Variants in ANTXR1 observed in about 807,000 individuals in gnomAD.
ANTXR1 encodes anthrax toxin receptor 1.
A neutral mutation model predicts 78.1 loss-of-function variants in ANTXR1; 19 were observed. The ratio of observed to expected loss-of-function variants is 0.24; its 90% CI spans 0.17 to 0.36. ANTXR1 has a LOEUF of 0.36. Among genes scored for constraint, ANTXR1 ranks in the 10% least tolerant of loss-of-function variants. The pLI is 1.00. For synonymous variants in ANTXR1, 273 were observed against 260.5 expected (o/e 1.05, Z -0.46); for missense variants, 518 against 718.6 (o/e 0.72, Z 3.19).
At chr2:69,168,490 C>A (rs1665040330) in intron 13 of ANTXR1, among the ~76,000 whole-genome samples, 1 of 152,200 alleles carries the variant, frequency 6.6e-6, no homozygotes, top group African/African-American at 2.4e-5. Context: ...CAAAAGCCCT[C>A]TGCTCAGCAC....
intron 1 of ANTXR1, among the ~76,000 whole-genome samples, chr2:69,029,099 C>T (rs900029858): frequency 8.6e-5 from 13 of 150,432 alleles, no homozygotes; most frequent in Admixed American, 1.3e-4. Context: ...CGTGGTGGCG[C>T]GTGCCTGCTG....
chr2:69,210,867 T>C (rs1573979609), intron 17 of ANTXR1, among the ~76,000 whole-genome samples: 1 of 134,906 alleles, frequency 7.4e-6, no homozygotes, highest in Admixed American at 8.7e-5. Flanking sequence ...ACATGGGAGG[T>C]GGAGGTTGCA....
At chr2:69,053,213 G>A (rs1487449259) in intron 3 of ANTXR1, among the ~76,000 whole-genome samples, 2 of 152,120 alleles carry the variant, frequency 1.3e-5, no homozygotes, top group Admixed American at 6.6e-5. Flanking sequence ...TGGGATTTGG[G>A]AAAAGTTCTG....
chr2:69,077,194 G>T (rs1670759227), intron 7 of ANTXR1: 1 of 599,112 alleles, frequency 1.7e-6, no homozygotes. Context: ...AAATGTAAAA[G>T]CTGGAGCCAA....
At chr2:69,230,244 A>G (rs1252257603) in intron 17 of ANTXR1, among the ~76,000 whole-genome samples, 1 of 152,034 alleles carries the variant, frequency 6.6e-6, no homozygotes, top group Non-Finnish European at 1.5e-5. Flanking sequence ...ATATAGTGCT[A>G]TGAGATTTAA....
intron 3 of ANTXR1, among the ~76,000 whole-genome samples, chr2:69,065,928 T>A (rs1187675690): frequency 6.6e-6 from 1 of 152,270 alleles, no homozygotes; most frequent in Non-Finnish European, 1.5e-5. Context: ...AGGTGTTTAC[T>A]GTGTAAGTTG....
chr2:69,027,404 C>T (rs974795829), intron 1 of ANTXR1, among the ~76,000 whole-genome samples: 1 of 152,138 alleles, frequency 6.6e-6, no homozygotes, highest in Non-Finnish European at 1.5e-5. Context: ...CAAAGCATCC[C>T]CTACATATGG....
chr2:69,136,774 A>G (rs1672919302), intron 12 of ANTXR1, among the ~76,000 whole-genome samples: 1 of 152,240 alleles, frequency 6.6e-6, no homozygotes, highest in South Asian at 2.1e-4. Flanking sequence ...CAAGACCAAG[A>G]AAGAACAGAA....
chr2:69,091,506 T>G (rs1007702627), intron 9 of ANTXR1, among the ~76,000 whole-genome samples: 6 of 150,560 alleles, frequency 4.0e-5, no homozygotes, highest in Non-Finnish European at 8.9e-5. Flanking sequence ...TAGAAGGGAA[T>G]TGTAGAAATA....
At chr2:69,182,902 TAA>T (rs1190489725) in intron 16 of ANTXR1, 1 of 551,704 alleles carries the variant, frequency 1.8e-6, no homozygotes, top group Non-Finnish European at 3.2e-6. Flanking sequence ...GCACATATAG[TAA>T]AACTGGAACA....
intron 8 of ANTXR1, among the ~76,000 whole-genome samples, chr2:69,084,085 C>T (rs1179249414): frequency 1.3e-5 from 2 of 152,222 alleles, no homozygotes; most frequent in Admixed American, 1.3e-4. Flanking sequence ...TCCTATTCTT[C>T]CTGCAGCCCC....
rs529445464 is a variant in ANTXR1 at position 69,236,852 on chromosome 2, C to A, written c.1435-8373C>A. ...ATGGTCACAGTAAACTACTTTAAAA[C>A]TTTCATACAGGATGATCCCATTTTT... On this transcript the variant is annotated intron_variant, in intron 17 of 17. Transcript: ENST00000303714. Among the ~76,000 whole-genome samples, 26 of 152,298 alleles carry A rather than the reference C, an allele frequency of 1.7e-4. No individual in the cohort carries two copies. The South Asian group carries it at 5.2e-3, about 30-fold the overall frequency.
At chr2:69,072,132 G>C (rs10199600) in intron 5 of ANTXR1, among the ~76,000 whole-genome samples, 140,965 of 152,298 alleles carry the variant, frequency 0.93, 65,364 homozygotes, top group African/African-American at 0.98. Context: ...ATTTAATTTT[G>C]TTGTTCTTCT....
At chr2:69,211,605 G>C (rs990227200) in intron 17 of ANTXR1, among the ~76,000 whole-genome samples, 1 of 152,216 alleles carries the variant, frequency 6.6e-6, no homozygotes, top group Non-Finnish European at 1.5e-5. Context: ...CTTTTTCTCT[G>C]CAGGACTTCA....
intron 8 of ANTXR1, among the ~76,000 whole-genome samples, chr2:69,081,620 T>C (rs1670904294): frequency 6.6e-6 from 1 of 152,254 alleles, no homozygotes; most frequent in African/African-American, 2.4e-5. Flanking sequence ...ATAACAATGC[T>C]GCAAAATAAA....
intron 9 of ANTXR1, among the ~76,000 whole-genome samples, chr2:69,101,763 G>C (rs1227369137): frequency 6.6e-6 from 1 of 152,066 alleles, no homozygotes; most frequent in Non-Finnish European, 1.5e-5. Flanking sequence ...TTTTTCCTCT[G>C]ACCTTCAGTC....
chr2:69,099,692 G>A (rs549063552), intron 9 of ANTXR1, among the ~76,000 whole-genome samples: 3 of 152,340 alleles, frequency 2.0e-5, no homozygotes, highest in South Asian at 4.1e-4. Context: ...GACTAATGAT[G>A]TTGAACATCT....
intron 3 of ANTXR1, among the ~76,000 whole-genome samples, chr2:69,045,703 C>T (rs1669745164): frequency 2.0e-5 from 3 of 152,148 alleles, no homozygotes; most frequent in Admixed American, 2.0e-4. Context: ...CAAACTTGAG[C>T]TAGTCCCTAT....
Position 69,013,295 on chromosome 2 carries a change from C to CCCG in ANTXR1, c.-204_-202dup, listed in dbSNP as rs1670918783. 2.8e-6 allele frequency: 2 copies of CCCG among 721,484 alleles called. No individual in the cohort carries two copies. The highest frequency in any genetic ancestry group is 5.0e-5 in the Admixed American group (2 of 39,846). 44.7% of individuals were successfully genotyped at this position (721,484 alleles called of 1,614,324 possible). On this transcript the variant is annotated 5_prime_UTR_variant, in exon 1 of 18. Transcript: ENST00000303714. This position sits in a 1 kb window ranked among gnomAD's most constrained non-coding sequence, Gnocchi z 5.0. Reference sequence around the variant, plus strand: ...GAGGACAGGATTGGGATCCTTGAAACCCGAAACCCAGAAACAGCATCGGAG... The same window carrying CCCG: ...GAGGACAGGATTGGGATCCTTGAAACCCGCCGAAACCCAGAAACAGCATCGGAG...
Sources: gnomAD v4.1 joint callset for allele counts (sites outside exome capture counted in the v4.1 genomes callset) on GRCh38, gnomAD v4.1.1 for gene constraint, Gnocchi (gnomAD v3.1) non-coding constraint, MANE v1.5 for transcripts, NCBI Gene and HGNC (gene_info 2026-07-23, HGNC 2026-07-21) for gene names.